The following INSRR variants were observed in gnomAD, a reference collection of about 807,000 sequenced individuals.
INSRR encodes the protein insulin receptor related receptor.
A neutral mutation model predicts 130.0 loss-of-function variants in INSRR; 114 were observed. That is an observed-to-expected ratio of 0.88 (90% CI 0.75 to 1.02). The LOEUF is 1.02. INSRR is among the 50% of genes least tolerant of loss of function. INSRR has a pLI of 0.00. For synonymous variants in INSRR, 674 were observed against 705.2 expected, an observed-to-expected ratio of 0.96 and a Z score of 0.70; for missense variants, 1,657 against 1,735.2, an observed-to-expected ratio of 0.95 and a Z score of 0.80.
Position 156,851,965 on chromosome 1 carries a change from G to A in INSRR, c.864C>T (p.Gly288=). The change falls in exon 3 of 22, where the codon GGC becomes GGT. Residue 288 remains glycine, a synonymous_variant. Coordinates refer to ENST00000368195, the MANE Select transcript of INSRR (RefSeq NM_014215.3). ...ERCASLHSVP[G]RASTFGIHQG... is the part of the protein sequence containing the mutation. ...GGTGTATGCCGAAGGTGGAGGCACG[G>A]CCGGGCACAGAGTGCAGGCTGGCAC... The A allele has an allele frequency of 6.2e-7, 1 of 1,608,590 alleles. No individual in the cohort carries two copies. Among genetic ancestry groups the A allele is most frequent in the Admixed American group, 1.7e-5 (1 of 59,886 alleles).
intron 17 of INSRR, 21 bp downstream of exon 17, chr1:156,842,983 A>G: frequency 6.3e-7 from 1 of 1,576,684 alleles, no homozygotes. Context: ...GACCCTGACA[A>G]TGCCCTTGGC....
chr1:156,850,623 C>T (rs1026647798), intron 5 of INSRR, among the ~76,000 whole-genome samples: 3 of 123,908 alleles, frequency 2.4e-5, no homozygotes, highest in African/African-American at 6.0e-5. Context: ...GGCACGATTT[C>T]GGCTCACTGT....
In INSRR at chr1:156,845,198, G is replaced by A. The variant is rs889723483; in HGVS notation, c.2315C>T (p.Ala772Val). ...GAAGTGGCGCAGGCCGCTCAGCACCGCTCGCTCACGGGGCACCTTGTCCTC... is the reference window on the plus strand; with the variant it reads ...GAAGTGGCGCAGGCCGCTCAGCACCACTCGCTCACGGGGCACCTTGTCCTC... ...IQEDKVPRER[A>V]VLSGLRHFTE... The change falls in exon 12 of 22, where the codon GCG becomes GTG. Residue 772 changes from alanine (A) to valine (V), a missense_variant. Physicochemically the swap from Ala to Val is moderately conservative, Grantham distance 64 (BLOSUM62 0). Coordinates refer to ENST00000368195, the MANE Select transcript of INSRR (RefSeq NM_014215.3). 1 of 1,609,278 alleles carries A rather than the reference G, an allele frequency of 6.2e-7. No individual in the cohort carries two copies. Among genetic ancestry groups the A allele is most frequent in the African/African-American group, 1.3e-5 (1 of 75,006 alleles).
intron 1 of INSRR, among the ~76,000 whole-genome samples, chr1:156,857,463 C>G (rs1395847367): frequency 1.3e-5 from 2 of 152,308 alleles, no homozygotes; most frequent in East Asian, 3.9e-4. Context: ...CAGAGCTGCA[C>G]TGGGAACAGA....
chr1:156,857,989 G>A (rs1017693599), intron 1 of INSRR, among the ~76,000 whole-genome samples: 2 of 152,168 alleles, frequency 1.3e-5, no homozygotes, highest in Non-Finnish European at 2.9e-5. Flanking sequence ...GGGTGTTGAG[G>A]AAGAGCAGTC....
Position 156,844,157 on chromosome 1 carries a change from G to T in INSRR, c.2843+18C>A. On this transcript the variant is annotated intron_variant, in intron 15 of 21. Transcript: ENST00000368195. ...TCAGGGAGAAAAGGGGGTGGGGACC[G>T]GTGGGACTTATCATCACCTCTTCTT... 1 of 1,576,964 alleles carries T rather than the reference G, an allele frequency of 6.3e-7. No homozygotes were observed. The highest frequency in any genetic ancestry group is 8.7e-7 in the Non-Finnish European group (1 of 1,147,778).
chr1:156,840,712 C>T lies in INSRR; in HGVS notation c.*161G>A. Reference sequence around the variant, plus strand: ...GAGAAACTCCTATGGTGAGACCCCTCTGCCCACCCCCACAGCCTTCCCTGC... The same window carrying T: ...GAGAAACTCCTATGGTGAGACCCCTTTGCCCACCCCCACAGCCTTCCCTGC... On this transcript the variant is annotated 3_prime_UTR_variant, in exon 22 of 22. Coordinates refer to ENST00000368195, the MANE Select transcript of INSRR (RefSeq NM_014215.3). The T allele has an allele frequency of 1.6e-6, 1 of 641,876 alleles. No homozygotes were observed. Among genetic ancestry groups the T allele is most frequent in the Non-Finnish European group, 2.8e-6 (1 of 359,840 alleles). 39.8% of individuals were successfully genotyped at this position (641,876 alleles called of 1,614,324 possible). A position where few individuals can be genotyped will look rare whatever the true frequency, so the allele number is the denominator to read the frequency against.
rs757991130 is a variant in INSRR at position 156,845,048 on chromosome 1, G to T, written c.2437+28C>A. 1.3e-4 allele frequency: 202 copies of T among 1,585,264 alleles called. 1 individual carries two copies. Among genetic ancestry groups the T allele is most frequent in the Admixed American group, 1.8e-5 (1 of 55,872 alleles). ...AGGGTCCTTGGGGTCGGTGATGGGG[G>T]TAGAAGGTGTGTGTGTGGATCACCT... On this transcript the variant is annotated intron_variant, in intron 12 of 21. Transcript: ENST00000368195.
In INSRR at chr1:156,848,902, C is replaced by T; in HGVS notation, c.1571+19G>A. ...TCGTCCGGTCCCGCCCCCGCTCCGG[C>T]CCCGCCCCCGGCACTCACGACTCCT... On this transcript the variant is annotated intron_variant, in intron 7 of 21. Transcript: ENST00000368195. 3.9e-6 allele frequency: 6 copies of T among 1,552,600 alleles called. No homozygotes were observed. Among genetic ancestry groups the T allele is most frequent in the Non-Finnish European group, 5.2e-6 (6 of 1,147,876 alleles).
chr1:156,857,744 G>A (rs753942260), intron 1 of INSRR, among the ~76,000 whole-genome samples: 7 of 152,178 alleles, frequency 4.6e-5, no homozygotes, highest in Non-Finnish European at 1.0e-4. Context: ...AGGACCTCTC[G>A]GGCAAGCACA....
chr1:156,852,064 C>A lies in INSRR; in HGVS notation c.765G>T (p.Gln255His). Residue 255 changes from glutamine to histidine, a missense_variant, in exon 3 of 22, where the codon CAG (glutamine) becomes CAT (histidine). Gln to His is a conservative substitution (Grantham distance 24). Coordinates refer to ENST00000368195, the MANE Select transcript of INSRR (RefSeq NM_014215.3). The part of the protein sequence containing the change: ...ACVACRHLYF[Q>H]GACLWACPPG... ...GCGGGCAGGCCCACAGGCAGGCACC[C>A]TGGAAGTAGAGGTGGCGGCAAGCTA... The A allele has an allele frequency of 6.2e-7, 1 of 1,613,618 alleles. No homozygotes were observed. Among genetic ancestry groups the A allele is most frequent in the South Asian group, 1.1e-5 (1 of 91,082 alleles).
Position 156,853,990 on chromosome 1 carries a change from G to A in INSRR, c.399C>T (p.Ala133=), listed in dbSNP as rs750615737. 2.8e-5 allele frequency: 45 copies of A among 1,613,418 alleles called. No homozygotes were observed. The highest frequency in any genetic ancestry group is 5.0e-5 in the Admixed American group (3 of 59,978). ...LRDVALPALG[A]VLRGAVRVEK... ...CCACACGCACAGCCCCACGCAGCAC[G>A]GCCCCAAGTGCAGGCAGTGCCACGT... Residue 133 remains alanine (A), a synonymous_variant, in exon 2 of 22, where the codon GCC becomes GCT. Transcript: ENST00000368195.
rs762739029 is a variant in INSRR, at chr1:156,845,682, G to T, written c.2111C>A (p.Ala704Glu). ...CTTCTTCTGGAACGAGGCCTCTTGC[G>T]CCTCCAGCGGGGGCAGAACCTGACC... Reference protein sequence around the residue: ...PPGQVLPPLEAQEASFQKKFE... With the variant: ...PPGQVLPPLEEQEASFQKKFE... Residue 704 changes from alanine (A) to glutamate (E), a missense_variant, in exon 10 of 22, where the codon GCG becomes GAG. Transcript: ENST00000368195. 5.6e-6 allele frequency: 9 copies of T among 1,611,548 alleles called. No individual in the cohort carries two copies. The highest frequency in any genetic ancestry group is 2.2e-5 in the South Asian group (2 of 90,860).
At position 156,854,936 on chromosome 1, in the gene INSRR, G is replaced by A. The variant is rs111273665; in HGVS notation, c.86-633C>T. Among the ~76,000 whole-genome samples the A allele has an allele frequency of 0.031, 4,753 of 152,186 alleles. 237 individuals carry two copies. Among genetic ancestry groups the A allele is most frequent in the African/African-American group, 0.11 (4,462 of 41,490 alleles). On this transcript the variant is annotated intron_variant, in intron 1 of 21. Transcript: ENST00000368195. The surrounding 1 kb of genome is among the most constrained non-coding windows in gnomAD (Gnocchi z 4.2). ...GCCTACAGGGCCCTGCACAGTTTGA[G>A]CCCTTGTAGCCTCTCTGATTTCATC...
rs1655503217 is a variant in INSRR, at chr1:156,858,813, AAG to A, written c.-194_-193del. 5 of 605,388 alleles carry A rather than the reference AAG, an allele frequency of 8.3e-6. No homozygotes were observed. The highest frequency in any genetic ancestry group is 1.5e-5 in the Non-Finnish European group (5 of 337,836). The allele number at this position is 605,388 out of a possible 1,614,324, so 37.5% of individuals were successfully genotyped here. Reference sequence around the variant, plus strand: ...AAGAAATGAGAGTCACAGAGACACAAAGACAGTGACAGGCAGTTGGAGACAGA... The same window carrying A: ...AAGAAATGAGAGTCACAGAGACACAAACAGTGACAGGCAGTTGGAGACAGA... On this transcript the variant is annotated 5_prime_UTR_variant, in exon 1 of 22. The change creates a premature stop within an existing upstream ORF in the 5' untranslated region. Coordinates refer to ENST00000368195, the MANE Select transcript of INSRR (RefSeq NM_014215.3).
chr1:156,849,501 GGCAGGGGGT>G, intron 5 of INSRR, 41 bp from the exon 6 acceptor site: 1 of 1,277,882 alleles, frequency 7.8e-7, no homozygotes, highest in Non-Finnish European at 1.1e-6. Flanking sequence ...GGGAGGTGGG[GGCAGGGGGT>G]GGGAAAGGGG....
In INSRR at chr1:156,849,397, C is replaced by T. The variant is rs371631913; in HGVS notation, c.1293G>A (p.Ala431=). 3.1e-6 allele frequency: 5 copies of T among 1,613,356 alleles called. No homozygotes were observed. The highest frequency in any genetic ancestry group is 2.2e-5 in the East Asian group (1 of 44,826). ...TCTTGCCCACGGGAATGGTGAGCCC[C>T]GCGGCCACCCAGGACCCTAGCTGTT... ...NLQQLGSWVA[A]GLTIPVGKIY... Residue 431 remains alanine, a synonymous_variant, in exon 6 of 22, where the codon GCG becomes GCA. Transcript: ENST00000368195.
At chr1:156,856,125 C>T (rs1655398773) in intron 1 of INSRR, among the ~76,000 whole-genome samples, 1 of 151,958 alleles carries the variant, frequency 6.6e-6, no homozygotes, top group African/African-American at 2.4e-5. Context: ...TTATTTTTAA[C>T]ACTGGCTAAA....
Position 156,845,355 on chromosome 1 carries a change from GC to G in INSRR, c.2216+16del, listed in dbSNP as rs1654956947. On this transcript the variant is annotated intron_variant, in intron 11 of 21. Coordinates refer to ENST00000368195, the MANE Select transcript of INSRR (RefSeq NM_014215.3). ...CCCAAAGCCACGCCCCTCAGCACCT[GC>G]CCTAGTCCTGCTCACCTTTGGGGGC... The G allele has an allele frequency of 6.3e-7, 1 of 1,598,580 alleles. No homozygotes were observed. The highest frequency in any genetic ancestry group is 8.5e-7 in the Non-Finnish European group (1 of 1,170,844).
Sources: allele counts gnomAD v4.1 joint callset (sites outside exome capture counted in the v4.1 genomes callset), GRCh38; gene constraint gnomAD v4.1.1; non-coding constraint Gnocchi (gnomAD v3.1); transcripts MANE v1.5; gene names NCBI Gene and HGNC (gene_info 2026-07-23, HGNC 2026-07-21).